NAT1: variants seen among roughly 807,000 people sequenced by gnomAD.
NAT1 encodes the protein arylamine N-acetyltransferase 1.
For synonymous variants in NAT1, 144 were observed against 122.6 expected (o/e 1.17, Z -1.16); for missense variants, 400 against 339.2 (o/e 1.18, Z -1.41).
intron 2 of NAT1, among the ~76,000 whole-genome samples, chr8:18,185,868 AATATT>A (rs1215143880): frequency 6.6e-6 from 1 of 152,092 alleles, no homozygotes; most frequent in African/African-American, 2.4e-5. Flanking sequence ...ATACTTTCAA[AATATT>A]TTCTATTTTT....
intron 2 of NAT1, among the ~76,000 whole-genome samples, chr8:18,203,995 A>G (rs76121045): frequency 0.011 from 1,651 of 152,252 alleles, 15 homozygotes; most frequent in Middle Eastern, 0.078. Flanking sequence ...TGGAAAGTCC[A>G]CTTGCATAAG....
intron 2 of NAT1, among the ~76,000 whole-genome samples, chr8:18,200,694 A>G (rs1390124568): frequency 6.6e-6 from 1 of 152,190 alleles, no homozygotes; most frequent in African/African-American, 2.4e-5. Context: ...AAGTTAAAAA[A>G]TAATAAAAAA....
At chr8:18,188,102 T>C (rs963505332) in intron 2 of NAT1, among the ~76,000 whole-genome samples, 53 of 152,300 alleles carry the variant, frequency 3.5e-4, no homozygotes, top group African/African-American at 1.2e-3. Context: ...GAAATTAATA[T>C]ACTTTTACTC....
intron 2 of NAT1, among the ~76,000 whole-genome samples, chr8:18,182,358 C>T (rs975729574): frequency 2.0e-5 from 3 of 152,112 alleles, no homozygotes; most frequent in Non-Finnish European, 4.4e-5. Flanking sequence ...TTTATACATA[C>T]TATTAGTGCA....
At chr8:18,189,776 T>G (rs1271011754) in intron 2 of NAT1, among the ~76,000 whole-genome samples, 2 of 152,170 alleles carry the variant, frequency 1.3e-5, no homozygotes, top group Non-Finnish European at 2.9e-5. Flanking sequence ...AGGATCACTG[T>G]TATGTAGTAT....
rs73571984 is a variant in NAT1 at position 18,217,621 on chromosome 8, A to G, written c.-85-1790A>G. ...TCTTTCCAAGTAAAAGCAAACAAAT[A>G]TGGCTGTCTGGATCTACAGGAATAC... On this transcript the variant is annotated intron_variant, in intron 1 of 2. Transcript: ENST00000307719. Among the ~76,000 whole-genome samples the G allele has an allele frequency of 8.7e-3, 1,319 of 152,310 alleles. 11 individuals carry two copies. Among genetic ancestry groups the G allele is most frequent in the African/African-American group, 0.03 (1,266 of 41,552 alleles).
chr8:18,212,438 C>T (rs1804198710), intron 1 of NAT1: 1 of 152,242 alleles, frequency 6.6e-6, no homozygotes, highest in Non-Finnish European at 1.5e-5. Flanking sequence ...TCCCCCAAAC[C>T]AGACACCAAG....
intron 2 of NAT1, among the ~76,000 whole-genome samples, chr8:18,182,938 A>G (rs2117226591): frequency 6.6e-6 from 1 of 152,284 alleles, no homozygotes; most frequent in African/African-American, 2.4e-5. Context: ...TTATGCACCT[A>G]TTATTAGATT....
At chr8:18,214,683 T>A (rs1388053549) in intron 1 of NAT1, among the ~76,000 whole-genome samples, 1 of 152,236 alleles carries the variant, frequency 6.6e-6, no homozygotes. Context: ...TATTTATCTT[T>A]ACATACATTT....
In NAT1 at chr8:18,210,776, G is replaced by A. The variant is rs1444715231; in HGVS notation, c.-86+596G>A. ...GCAATGCCTATGGGAATTCCAGAGG[G>A]AAGTTTTTGTTTTTTTGAGGCAGAG... is the stretch of plus-strand genomic sequence containing the variant. On this transcript the variant is annotated intron_variant, in intron 1 of 2. Coordinates refer to ENST00000307719, the MANE Select transcript of NAT1 (RefSeq NM_000662.8). Among the ~76,000 whole-genome samples, 3 of 152,258 alleles carry A rather than the reference G, an allele frequency of 2.0e-5. No individual in the cohort carries two copies. The East Asian group carries it at 5.8e-4, about 29-fold the overall frequency.
At chr8:18,177,197 A>G (rs188497365) in intron 2 of NAT1, among the ~76,000 whole-genome samples, 2 of 152,156 alleles carry the variant, frequency 1.3e-5, no homozygotes, top group East Asian at 3.9e-4. Context: ...CCAATGAAAA[A>G]GAATTAACGC....
At chr8:18,217,132 C>A in intron 1 of NAT1, 1 of 607,994 alleles carries the variant, frequency 1.6e-6, no homozygotes, top group South Asian at 2.2e-5. Context: ...CCTCTGGAGT[C>A]CCCATGATGA....
At chr8:18,212,351 G>A (rs149599004) in intron 1 of NAT1, 100 of 152,326 alleles carry the variant, frequency 6.6e-4, no homozygotes, top group Middle Eastern at 3.4e-3. Context: ...TCTAGAAGTT[G>A]CCTCATTCTA....
At chr8:18,197,246 G>A (rs1589080659) in intron 2 of NAT1, among the ~76,000 whole-genome samples, 1 of 152,098 alleles carries the variant, frequency 6.6e-6, no homozygotes, top group South Asian at 2.1e-4. Context: ...TTGGGGACTC[G>A]GTCCCAAACC....
intron 2 of NAT1, among the ~76,000 whole-genome samples, chr8:18,197,699 C>T (rs1803294364): frequency 6.6e-6 from 1 of 152,048 alleles, no homozygotes; most frequent in South Asian, 2.1e-4. Flanking sequence ...GCTGTCAGAA[C>T]CTCATTTTAT....
chr8:18,196,930 T>C (rs995873393), intron 2 of NAT1, among the ~76,000 whole-genome samples: 4 of 152,168 alleles, frequency 2.6e-5, no homozygotes, highest in African/African-American at 9.7e-5. Context: ...CTATAAAGAG[T>C]ATTACCCAAG....
At chr8:18,174,745 AG>A (rs1440790780) in intron 2 of NAT1, among the ~76,000 whole-genome samples, 45 of 152,202 alleles carry the variant, frequency 3.0e-4, no homozygotes, top group African/African-American at 1.1e-3. Flanking sequence ...CGGGAAACCC[AG>A]GGTTTTTTCT....
At chr8:18,220,658 G>C (rs1490138491) in intron 2 of NAT1, among the ~76,000 whole-genome samples, 1 of 149,434 alleles carries the variant, frequency 6.7e-6, no homozygotes, top group African/African-American at 2.4e-5. Context: ...TCATCTCTTG[G>C]TAAACTTGGT....
At chr8:18,219,185 C>T (rs891933860) in intron 1 of NAT1, among the ~76,000 whole-genome samples, 2 of 152,012 alleles carry the variant, frequency 1.3e-5, no homozygotes, top group Admixed American at 1.3e-4. Flanking sequence ...TCCACAGCTT[C>T]CAGGTTTTTA....
Sources: allele counts gnomAD v4.1 joint callset (sites outside exome capture counted in the v4.1 genomes callset), GRCh38; gene constraint gnomAD v4.1.1; transcripts MANE v1.5; gene names NCBI Gene and HGNC (gene_info 2026-07-23, HGNC 2026-07-21).